The following NPAS3 variants were observed in gnomAD, a reference collection of about 807,000 sequenced individuals.
NPAS3 encodes neuronal PAS domain-containing protein 3.
A neutral mutation model predicts 73.1 loss-of-function variants in NPAS3; 14 were observed. That is an observed-to-expected ratio of 0.19 (90% CI 0.13 to 0.30). NPAS3 has a LOEUF of 0.30. Ranked by LOEUF, NPAS3 falls within the 10% of genes least tolerant of loss-of-function variation. The probability of loss-of-function intolerance (pLI) is 1.00; values close to 1 mark genes in which losing one functional copy is unlikely to be tolerated. For synonymous variants in NPAS3, 620 were observed against 541.5 expected (o/e 1.14, Z -2.01); for missense variants, 1,096 against 1,250.0 (o/e 0.88, Z 1.86).
At chr14:33,257,381 CTT>C (rs2139932164) in intron 3 of NPAS3, among the ~76,000 whole-genome samples, 1 of 152,246 alleles carries the variant, frequency 6.6e-6, no homozygotes, top group Admixed American at 6.5e-5. Context: ...ATGAGTCCCT[CTT>C]TGGTAATTTC....
At chr14:33,466,842 C>T (rs1159397512) in intron 4 of NPAS3, among the ~76,000 whole-genome samples, 1 of 152,120 alleles carries the variant, frequency 6.6e-6, no homozygotes, top group South Asian at 2.1e-4. Context: ...AGAACTCCAC[C>T]CCATGATCCA....
At chr14:33,648,611 G>A (rs1335185236) in intron 5 of NPAS3, among the ~76,000 whole-genome samples, 1 of 152,052 alleles carries the variant, frequency 6.6e-6, no homozygotes, top group Non-Finnish European at 1.5e-5. Flanking sequence ...TGGCTTACAG[G>A]GACAGCACAA....
chr14:32,973,009 C>A (rs917071936), intron 1 of NPAS3, among the ~76,000 whole-genome samples: 6 of 152,198 alleles, frequency 3.9e-5, no homozygotes, highest in Non-Finnish European at 7.3e-5. Flanking sequence ...TTAGTTTGGT[C>A]ACATTGCCTT....
intron 4 of NPAS3, among the ~76,000 whole-genome samples, chr14:33,434,391 G>A (rs2048900153): frequency 6.6e-6 from 1 of 151,998 alleles, no homozygotes; most frequent in East Asian, 2.0e-4. Context: ...GTCAGGCATG[G>A]TGGTGCACAC....
At chr14:33,521,633 C>T (rs1469532777) in intron 4 of NPAS3, among the ~76,000 whole-genome samples, 1 of 151,868 alleles carries the variant, frequency 6.6e-6, no homozygotes, top group East Asian at 1.9e-4. Context: ...CATCGAAATC[C>T]CTTGTAAAAG....
intron 4 of NPAS3, among the ~76,000 whole-genome samples, chr14:33,473,879 G>C (rs2050900627): frequency 6.6e-6 from 1 of 152,160 alleles, no homozygotes; most frequent in Non-Finnish European, 1.5e-5. Context: ...AAGTTAAGTA[G>C]ATGTGATGAA....
rs138111406 is a variant in NPAS3, at chr14:33,504,583, A to C, written c.469-55538A>C. 2.3e-3 allele frequency among the ~76,000 whole-genome samples: 344 copies of C among 152,126 alleles called. 1 individual carries two copies. Among genetic ancestry groups the C allele is most frequent in the African/African-American group, 8.0e-3 (334 of 41,546 alleles). Reference sequence around the variant, plus strand: ...TTTGCAGTAGAATTAAATGAATTAAATTGTTAAACTTAAGTAGAAGATTTT... The same window carrying C: ...TTTGCAGTAGAATTAAATGAATTAACTTGTTAAACTTAAGTAGAAGATTTT... On this transcript the variant is annotated intron_variant, in intron 4 of 11. Transcript: ENST00000356141.
chr14:33,094,261 A>C (rs1049324642), intron 2 of NPAS3, among the ~76,000 whole-genome samples: 18 of 152,176 alleles, frequency 1.2e-4, no homozygotes, highest in Non-Finnish European at 2.2e-4. Context: ...ATAACCCACT[A>C]TATGGACAAT....
intron 2 of NPAS3, among the ~76,000 whole-genome samples, chr14:33,152,018 A>G (rs1366821858): frequency 1.3e-5 from 2 of 152,016 alleles, no homozygotes; most frequent in African/African-American, 4.8e-5. Context: ...CTGATTCTCA[A>G]CCAGGAGTGA....
chr14:33,382,282 G>A (rs897282919), intron 4 of NPAS3, among the ~76,000 whole-genome samples: 3 of 151,668 alleles, frequency 2.0e-5, no homozygotes, highest in Non-Finnish European at 2.9e-5. Flanking sequence ...GACACCTCCC[G>A]TTAACCTTGA....
intron 3 of NPAS3, among the ~76,000 whole-genome samples, chr14:33,230,660 T>C (rs1437660952): frequency 2.0e-5 from 3 of 152,190 alleles, no homozygotes; most frequent in African/African-American, 4.8e-5. Flanking sequence ...ATAGAGTATT[T>C]TAAGAGAACA....
chr14:32,956,837 CATCTA>C (rs752331128), intron 1 of NPAS3, among the ~76,000 whole-genome samples: 2 of 152,154 alleles, frequency 1.3e-5, no homozygotes, highest in Non-Finnish European at 2.9e-5. Flanking sequence ...TCTGAAAACA[CATCTA>C]AAATATGCCC....
intron 5 of NPAS3, among the ~76,000 whole-genome samples, chr14:33,563,067 G>A (rs989836955): frequency 6.6e-6 from 1 of 152,270 alleles, no homozygotes; most frequent in East Asian, 1.9e-4. Flanking sequence ...TAAAGACAAT[G>A]TGTAACTCTG....
chr14:33,054,891 C>T (rs896927841), intron 1 of NPAS3, among the ~76,000 whole-genome samples: 4 of 152,046 alleles, frequency 2.6e-5, no homozygotes, highest in South Asian at 2.1e-4. Context: ...TGATTACAGG[C>T]GTGAGCCACC....
intron 4 of NPAS3, among the ~76,000 whole-genome samples, chr14:33,526,082 C>T (rs1329257503): frequency 6.6e-6 from 1 of 152,078 alleles, no homozygotes; most frequent in African/African-American, 2.4e-5. Flanking sequence ...GAATGGCAAA[C>T]AATTTGACGT....
At chr14:33,702,410 G>T (rs2140455601) in intron 6 of NPAS3, among the ~76,000 whole-genome samples, 1 of 152,282 alleles carries the variant, frequency 6.6e-6, no homozygotes, top group South Asian at 2.1e-4. Context: ...TTTCAGTGCA[G>T]ATGCAAATAA....
intron 4 of NPAS3, among the ~76,000 whole-genome samples, chr14:33,393,222 A>C (rs1192245284): frequency 6.6e-6 from 1 of 152,132 alleles, no homozygotes; most frequent in Admixed American, 6.6e-5. Flanking sequence ...TAATTTGGGG[A>C]GCATTGTTAA....
intron 6 of NPAS3, among the ~76,000 whole-genome samples, chr14:33,711,697 TA>T (rs1321560868): frequency 6.6e-6 from 1 of 152,122 alleles, no homozygotes; most frequent in African/African-American, 2.4e-5. Flanking sequence ...TATTCCCAGC[TA>T]GGGGGTGTGG....
chr14:33,410,626 T>C (rs2138887814), intron 4 of NPAS3, among the ~76,000 whole-genome samples: 1 of 152,298 alleles, frequency 6.6e-6, no homozygotes, highest in South Asian at 2.1e-4. Flanking sequence ...CCAAGCTACA[T>C]TTTGGCTCAA....
Sources: gnomAD v4.1 joint callset for allele counts (sites outside exome capture counted in the v4.1 genomes callset) on GRCh38, gnomAD v4.1.1 for gene constraint, MANE v1.5 for transcripts, NCBI Gene and HGNC (gene_info 2026-07-23, HGNC 2026-07-21) for gene names.